HMGCLL1: variants seen among roughly 807,000 people sequenced by gnomAD.
The protein encoded by HMGCLL1 is 3-hydroxymethyl-3-methylglutaryl-CoA lyase, cytoplasmic.
HMGCLL1 carries 36 observed loss-of-function variants against 39.1 expected under a neutral mutation model. That is an observed-to-expected ratio of 0.92 (90% CI 0.71 to 1.22). The LOEUF is 1.22. Among genes scored for constraint, HMGCLL1 ranks in the 50% most tolerant of loss-of-function variants. The pLI is 0.00. For missense variants in HMGCLL1, 451 were observed against 416.5 expected (o/e 1.08, Z -0.72); for synonymous variants, 149 against 144.0 (o/e 1.03, Z -0.25).
intron 1 of HMGCLL1, among the ~76,000 whole-genome samples, chr6:55,554,131 G>A (rs1466135253): frequency 6.6e-6 from 1 of 151,924 alleles, no homozygotes; most frequent in Non-Finnish European, 1.5e-5. Context: ...TGAATACAGG[G>A]GGCACAGCTA....
At chr6:55,491,151 CAAAG>C (rs1280736675) in intron 7 of HMGCLL1, among the ~76,000 whole-genome samples, 1 of 152,048 alleles carries the variant, frequency 6.6e-6, no homozygotes, top group Non-Finnish European at 1.5e-5. Context: ...AACTGAGAAA[CAAAG>C]AGGTTTATCT....
At chr6:55,610,261 C>T in the HMGCLL1 span, among the ~76,000 whole-genome samples, 1 of 151,824 alleles carries the variant, frequency 6.6e-6, no homozygotes, top group African/African-American at 2.4e-5. Flanking sequence ...TGTCCTAACC[C>T]AATGCAAAGG....
At chr6:55,580,700 C>T (rs1771968114), upstream of HMGCLL1, among the ~76,000 whole-genome samples, 3 of 152,118 alleles carry the variant, frequency 2.0e-5, no homozygotes, top group Non-Finnish European at 4.4e-5. Context: ...CAGGGGTCAG[C>T]CACCGCGCCC....
intron 3 of HMGCLL1, among the ~76,000 whole-genome samples, chr6:55,535,384 A>G (rs551024457): frequency 2.6e-5 from 4 of 152,324 alleles, no homozygotes; most frequent in Admixed American, 2.6e-4. Context: ...GATTTTAATC[A>G]GCTGATTCTC....
rs75421275 is a variant in HMGCLL1 at position 55,505,271 on chromosome 6, G to A, written c.543-5972C>T. Among the ~76,000 whole-genome samples, 576 of 151,674 alleles carry A rather than the reference G, an allele frequency of 3.8e-3. 6 individuals are homozygous for A. Among genetic ancestry groups the A allele is most frequent in the African/African-American group, 0.013 (557 of 41,482 alleles). On this transcript the variant is annotated intron_variant, in intron 5 of 8. Transcript: ENST00000274901. ...GCAAAAATTGAAACAAAAAGTATAA[G>A]TAAAAGTCATGTATAAATGTCACAA...
chr6:55,639,190 C>T, the HMGCLL1 span, among the ~76,000 whole-genome samples: 7 of 151,906 alleles, frequency 4.6e-5, no homozygotes, highest in Non-Finnish European at 8.8e-5. Flanking sequence ...ATAGTGCCAT[C>T]TCAATAAATG....
chr6:55,543,809 G>T (rs1769791909), intron 1 of HMGCLL1, among the ~76,000 whole-genome samples: 1 of 151,654 alleles, frequency 6.6e-6, no homozygotes, highest in Admixed American at 6.6e-5. Context: ...GGGGATCAAG[G>T]CTGCAGTGAG....
At chr6:55,635,883 C>T in the HMGCLL1 span, among the ~76,000 whole-genome samples, 1 of 152,174 alleles carries the variant, frequency 6.6e-6, no homozygotes, top group Non-Finnish European at 1.5e-5. Flanking sequence ...GTTCTGGGCA[C>T]TTGGTAGCGG....
the HMGCLL1 span, among the ~76,000 whole-genome samples, chr6:55,660,617 T>C: frequency 9.9e-5 from 15 of 152,076 alleles, no homozygotes; most frequent in East Asian, 2.3e-3. Context: ...CAATCTTTCA[T>C]TGATGGACAT....
In HMGCLL1 at chr6:55,551,044, C is replaced by CAA. The variant is rs773132435; in HGVS notation, c.109-8906_109-8905dup. On this transcript the variant is annotated intron_variant, in intron 1 of 8. Transcript: ENST00000274901. ...TATACATCTTAGCCAATTTTCAGAC[C>CAA]AAAAAAAAAAAAATAAACCACAAGT... Among the ~76,000 whole-genome samples the CAA allele has an allele frequency of 6.2e-3, 666 of 107,654 alleles. 21 individuals are homozygous for CAA. Among genetic ancestry groups the CAA allele is most frequent in the African/African-American group, 0.021 (624 of 30,378 alleles). 70.6% of individuals were successfully genotyped at this position (107,654 alleles called of 152,430 possible). A position where few individuals can be genotyped will look rare whatever the true frequency, so the allele number is the denominator to read the frequency against.
intron 7 of HMGCLL1, among the ~76,000 whole-genome samples, chr6:55,442,593 A>G (rs546595126): frequency 7.9e-5 from 12 of 152,170 alleles, no homozygotes; most frequent in African/African-American, 1.7e-4. Flanking sequence ...AAAGCCTTAG[A>G]ATTCTTTGGG....
chr6:55,476,176 T>C (rs748727371), intron 7 of HMGCLL1, among the ~76,000 whole-genome samples: 2 of 151,598 alleles, frequency 1.3e-5, no homozygotes, highest in Non-Finnish European at 3.0e-5. Flanking sequence ...AAACTGGTAT[T>C]TGTTCAATAT....
At chr6:55,662,246 G>T in the HMGCLL1 span, among the ~76,000 whole-genome samples, 1 of 151,794 alleles carries the variant, frequency 6.6e-6, no homozygotes, top group East Asian at 1.9e-4. Flanking sequence ...ACTAAGAGAG[G>T]GCATCCTTGT....
intron 8 of HMGCLL1, 89 bp downstream of exon 8, chr6:55,439,345 A>T: frequency 7.8e-7 from 1 of 1,290,104 alleles, no homozygotes; most frequent in Admixed American, 2.1e-5. Context: ...TAAAACTTTG[A>T]CCTCAAAATT....
chr6:55,564,524 A>G (rs1382254575), intron 1 of HMGCLL1, among the ~76,000 whole-genome samples: 1 of 152,160 alleles, frequency 6.6e-6, no homozygotes, highest in African/African-American at 2.4e-5. Context: ...CTATGGCTTC[A>G]GATGGTCTCT....
chr6:55,572,450 A>G (rs1444675102), intron 1 of HMGCLL1, among the ~76,000 whole-genome samples: 1 of 152,108 alleles, frequency 6.6e-6, no homozygotes, highest in Non-Finnish European at 1.5e-5. Context: ...TTCTTCAAAG[A>G]GCAGATACTA....
At chr6:55,660,466 G>A in the HMGCLL1 span, among the ~76,000 whole-genome samples, 53 of 151,874 alleles carry the variant, frequency 3.5e-4, no homozygotes, top group South Asian at 2.3e-3. Context: ...AAAACATGCC[G>A]TATTTGGTTT....
rs1010617705 is a variant in HMGCLL1 at position 55,514,036 on chromosome 6, T to C, written c.542+12A>G. 6.8e-6 allele frequency: 11 copies of C among 1,607,156 alleles called. No homozygotes were observed. The Admixed American group carries it at 1.0e-4, about 15-fold the overall frequency. ...CATTAACAAAACAGAATTTGTGGGA[T>C]TTCATAAGTACCCTCGTGCTGGAAT... On this transcript the variant is annotated intron_variant, in intron 5 of 8. Coordinates refer to ENST00000274901, the MANE Select transcript of HMGCLL1 (RefSeq NM_001042406.2).
the HMGCLL1 span, among the ~76,000 whole-genome samples, chr6:55,647,075 G>A: frequency 5.9e-5 from 9 of 151,866 alleles, no homozygotes; most frequent in Non-Finnish European, 1.0e-4. Context: ...TCTAGTGTTG[G>A]GTTCATATAT....
Sources: allele counts gnomAD v4.1 joint callset (sites outside exome capture counted in the v4.1 genomes callset), GRCh38; gene constraint gnomAD v4.1.1; transcripts MANE v1.5; gene names NCBI Gene and HGNC (gene_info 2026-07-23, HGNC 2026-07-21).